BCAS3: variants seen among roughly 807,000 people sequenced by gnomAD.
The protein encoded by BCAS3 is BCAS3 microtubule associated cell migration factor, also known as BCAS4/BCAS3 fusion.
In BCAS3, 53 loss-of-function variants were observed where a neutral mutation model predicts 116.1. The observed-to-expected ratio is 0.46, with a 90% confidence interval of 0.37 to 0.57. BCAS3 has a LOEUF of 0.57. BCAS3 is among the 20% of genes least tolerant of loss of function. The probability of loss-of-function intolerance (pLI) is 0.00; values close to 1 mark genes in which losing one functional copy is unlikely to be tolerated. For missense variants in BCAS3, 917 were observed against 1,165.4 expected, an observed-to-expected ratio of 0.79 and a Z score of 3.10; for synonymous variants, 391 against 408.2, an observed-to-expected ratio of 0.96 and a Z score of 0.51.
intron 19 of BCAS3, among the ~76,000 whole-genome samples, chr17:61,048,783 A>G (rs186026191): frequency 2.0e-5 from 3 of 152,108 alleles, no homozygotes; most frequent in Admixed American, 6.5e-5. Context: ...CCAGTATTCA[A>G]CAGAATACTG....
intron 23 of BCAS3, among the ~76,000 whole-genome samples, chr17:61,369,683 C>G (rs916805752): frequency 6.6e-6 from 1 of 152,220 alleles, no homozygotes; most frequent in Non-Finnish European, 1.5e-5. Flanking sequence ...CCTGTAATAA[C>G]TGGCAAATGA....
intron 22 of BCAS3, among the ~76,000 whole-genome samples, chr17:61,223,874 C>A (rs935824639): frequency 9.2e-5 from 14 of 152,168 alleles, no homozygotes; most frequent in Non-Finnish European, 1.8e-4. Flanking sequence ...CACTTGGATA[C>A]CCTGTGGTGT....
At chr17:61,018,164 T>C (rs1676916574) in intron 16 of BCAS3, among the ~76,000 whole-genome samples, 1 of 152,092 alleles carries the variant, frequency 6.6e-6, no homozygotes, top group African/African-American at 2.4e-5. Flanking sequence ...TTGAAGTGTT[T>C]AGAGAGAATA....
intron 13 of BCAS3, among the ~76,000 whole-genome samples, chr17:60,946,663 G>T (rs2145245026): frequency 6.6e-6 from 1 of 152,198 alleles, no homozygotes; most frequent in Non-Finnish European, 1.5e-5. Context: ...TAATCTCAGA[G>T]CTTTGAGAGG....
At chr17:61,117,084 C>A (rs919606033) in intron 22 of BCAS3, among the ~76,000 whole-genome samples, 3 of 152,128 alleles carry the variant, frequency 2.0e-5, no homozygotes, top group African/African-American at 4.8e-5. Flanking sequence ...ACTTTGCCAA[C>A]CCACACCCTT....
At position 61,208,054 on chromosome 17, in the gene BCAS3, AC is replaced by A. The variant is rs1287621149; in HGVS notation, c.2425+123493del. On this transcript the variant is annotated intron_variant, in intron 22 of 23. Coordinates refer to ENST00000407086, the MANE Select transcript of BCAS3 (RefSeq NM_017679.5). The surrounding 1 kb of genome is among the most constrained non-coding windows in gnomAD (Gnocchi z 4.5). ...ACTTAGGAGATAATGTTGATCACAT[AC>A]CCTTTTTTATTATATCTTAGTAACT... Among the ~76,000 whole-genome samples, 1 of 152,130 alleles carries A rather than the reference AC, an allele frequency of 6.6e-6. No homozygotes were observed. The highest frequency in any genetic ancestry group is 1.5e-5 in the Non-Finnish European group (1 of 68,016).
intron 5 of BCAS3, among the ~76,000 whole-genome samples, chr17:60,721,004 T>A (rs943077533): frequency 6.6e-6 from 1 of 152,194 alleles, no homozygotes. Flanking sequence ...ATTTTTGCCC[T>A]AAAGCTTTTT....
intron 22 of BCAS3, among the ~76,000 whole-genome samples, chr17:61,338,192 G>A (rs1246598048): frequency 6.6e-6 from 1 of 152,318 alleles, no homozygotes; most frequent in South Asian, 2.1e-4. Flanking sequence ...GGGGGCGGTA[G>A]GGGACAAACA....
chr17:60,892,489 A>G (rs1401401897), intron 10 of BCAS3, among the ~76,000 whole-genome samples: 2 of 151,838 alleles, frequency 1.3e-5, no homozygotes, highest in African/African-American at 2.4e-5. Context: ...TTGTATTTTT[A>G]GTAGAGATGG....
rs901602890 is a variant in BCAS3, at chr17:61,361,548, G to A, written c.2426-6779G>A. On this transcript the variant is annotated intron_variant, in intron 22 of 23. Transcript: ENST00000407086. The surrounding 1 kb of genome is among the most constrained non-coding windows in gnomAD (Gnocchi z 6.5). ...TAATTGGCCATCAGATGTGTCCACA[G>A]GTATAATATATAATATAGCTGTGGT... The A allele has an allele frequency of 4.6e-5, 7 of 151,766 alleles. No individual in the cohort carries two copies. The highest frequency in any genetic ancestry group is 1.2e-4 in the African/African-American group (5 of 41,354). 9.4% of individuals were successfully genotyped at this position (151,766 alleles called of 1,614,324 possible).
chr17:61,020,557 G>A lies in BCAS3; in HGVS notation c.1637+4656G>A, dbSNP rs886538037. 6.6e-6 allele frequency among the ~76,000 whole-genome samples: 1 copy of A among 152,258 alleles called. No homozygotes were observed. The highest frequency in any genetic ancestry group is 1.9e-4 in the East Asian group (1 of 5,180). On this transcript the variant is annotated intron_variant, in intron 16 of 23. Coordinates refer to ENST00000407086, the MANE Select transcript of BCAS3 (RefSeq NM_017679.5). This position sits in a 1 kb window ranked among gnomAD's most constrained non-coding sequence, Gnocchi z 4.5. The stretch of plus-strand genomic sequence containing the variant: ...AAGACTGGAGGTTTAAAAAGTCCAG[G>A]TTATCATGTTCTTATCATATGTAAG...
intron 22 of BCAS3, among the ~76,000 whole-genome samples, chr17:61,167,371 T>C (rs1383595161): frequency 2.0e-5 from 3 of 152,346 alleles, no homozygotes; most frequent in Admixed American, 2.0e-4. Context: ...CAATACAGGC[T>C]TAAAATTATA....
In BCAS3 at chr17:61,219,184, G is replaced by A. The variant is rs1040906223; in HGVS notation, c.2425+134620G>A. Among the ~76,000 whole-genome samples, 5 of 152,160 alleles carry A rather than the reference G, an allele frequency of 3.3e-5. No individual in the cohort carries two copies. Among genetic ancestry groups the A allele is most frequent in the Admixed American group, 6.5e-5 (1 of 15,280 alleles). On this transcript the variant is annotated intron_variant, in intron 22 of 23. Coordinates refer to ENST00000407086, the MANE Select transcript of BCAS3 (RefSeq NM_017679.5). This position sits in a 1 kb window ranked among gnomAD's most constrained non-coding sequence, Gnocchi z 5.2. ...AGAAGTGTTCACTCTTCTTATGGGGGACGAAGGTGAGTAGATGATGGTAAA... is the reference window on the plus strand; with the variant it reads ...AGAAGTGTTCACTCTTCTTATGGGGAACGAAGGTGAGTAGATGATGGTAAA...
chr17:60,709,914 T>C (rs1379288470), intron 5 of BCAS3, among the ~76,000 whole-genome samples: 1 of 152,216 alleles, frequency 6.6e-6, no homozygotes, highest in Non-Finnish European at 1.5e-5. Flanking sequence ...ATACTGCATA[T>C]TTTGGCTTAT....
At chr17:60,682,584 G>A (rs932283372) in intron 2 of BCAS3, among the ~76,000 whole-genome samples, 14 of 152,050 alleles carry the variant, frequency 9.2e-5, no homozygotes, top group Non-Finnish European at 1.8e-4. Flanking sequence ...GTGCAGTGGC[G>A]CGGTCTTGAC....
intron 19 of BCAS3, among the ~76,000 whole-genome samples, chr17:61,053,005 C>T (rs2069024394): frequency 2.0e-5 from 3 of 152,094 alleles, no homozygotes; most frequent in Admixed American, 2.0e-4. Flanking sequence ...GAGTGAGCCA[C>T]CACGCCTGGC....
intron 22 of BCAS3, among the ~76,000 whole-genome samples, chr17:61,306,915 A>C (rs2053902146): frequency 6.6e-6 from 1 of 152,220 alleles, no homozygotes; most frequent in Non-Finnish European, 1.5e-5. Context: ...ATTTTTCCCC[A>C]GGCTTAAGTA....
intron 13 of BCAS3, among the ~76,000 whole-genome samples, chr17:60,938,301 C>T (rs1416641816): frequency 1.3e-5 from 2 of 152,134 alleles, no homozygotes; most frequent in African/African-American, 2.4e-5. Flanking sequence ...TAATCTAAAG[C>T]TCACCAAGAA....
chr17:61,358,190 G>A (rs191748678), intron 22 of BCAS3, among the ~76,000 whole-genome samples: 189 of 152,114 alleles, frequency 1.2e-3, no homozygotes, highest in Non-Finnish European at 2.2e-3. Context: ...ACATTTTGTC[G>A]TGAATCATTT....
Sources: allele counts gnomAD v4.1 joint callset (sites outside exome capture counted in the v4.1 genomes callset), GRCh38; gene constraint gnomAD v4.1.1; non-coding constraint Gnocchi (gnomAD v3.1); transcripts MANE v1.5; gene names NCBI Gene and HGNC (gene_info 2026-07-23, HGNC 2026-07-21).